LHFPL3: variants seen among roughly 807,000 people sequenced by gnomAD.
LHFPL3 encodes LHFPL tetraspan subfamily member 3 protein.
LHFPL3 carries 5 observed loss-of-function variants against 19.3 expected under a neutral mutation model. The observed-to-expected ratio is 0.26, with a 90% CI of 0.14 to 0.54. LHFPL3 has a LOEUF of 0.54. Among genes scored for constraint, LHFPL3 ranks in the 20% least tolerant of loss-of-function variants. LHFPL3 has a pLI of 0.94. For missense variants in LHFPL3, 249 were observed against 307.4 expected, an observed-to-expected ratio of 0.81 and a Z score of 1.42; for synonymous variants, 133 against 126.2, an observed-to-expected ratio of 1.05 and a Z score of -0.36.
chr7:104,364,122 C>T (rs1468141), intron 1 of LHFPL3, among the ~76,000 whole-genome samples: 107,258 of 152,040 alleles, frequency 0.71, 38,400 homozygotes, highest in East Asian at 0.87. Context: ...GCAAAACTAA[C>T]CTTGAGATTT....
intron 2 of LHFPL3, among the ~76,000 whole-genome samples, chr7:104,772,889 T>G (rs1794577310): frequency 6.6e-6 from 1 of 152,272 alleles, no homozygotes; most frequent in Non-Finnish European, 1.5e-5. Context: ...TTAACTTTAT[T>G]GGGTAATTAC....
intron 1 of LHFPL3, among the ~76,000 whole-genome samples, chr7:104,455,413 A>G (rs1792520341): frequency 6.6e-6 from 1 of 152,176 alleles, no homozygotes; most frequent in Non-Finnish European, 1.5e-5. Flanking sequence ...TAGACTTTCA[A>G]TTCTATATGT....
At chr7:104,433,467 G>A (rs1304303876) in intron 1 of LHFPL3, among the ~76,000 whole-genome samples, 1 of 152,142 alleles carries the variant, frequency 6.6e-6, no homozygotes, top group South Asian at 2.1e-4. Context: ...GTAATGCCTT[G>A]CAGTGGTCTC....
chr7:104,462,411 A>T (rs1038726227), intron 1 of LHFPL3, among the ~76,000 whole-genome samples: 1 of 152,144 alleles, frequency 6.6e-6, no homozygotes, highest in Non-Finnish European at 1.5e-5. Context: ...TTCAATATGT[A>T]GTTTATTAAG....
rs559593039 is a variant in LHFPL3 at position 104,388,345 on chromosome 7, A to G, written c.445+59121A>G. On this transcript the variant is annotated intron_variant, in intron 1 of 2. Transcript: ENST00000424859. ...GTCAAAGGTAATTCTGTTTTAAGAG[A>G]GAATCTTGAAAGTGACAAGAGAGAA... Among the ~76,000 whole-genome samples, 12 of 152,268 alleles carry G rather than the reference A, an allele frequency of 7.9e-5. No homozygotes were observed. In the South Asian group the frequency reaches 2.5e-3, roughly 32 times the overall value.
At chr7:104,526,394 G>C (rs1337623024) in intron 1 of LHFPL3, among the ~76,000 whole-genome samples, 2 of 152,200 alleles carry the variant, frequency 1.3e-5, no homozygotes, top group African/African-American at 2.4e-5. Context: ...GAAAATATAG[G>C]GGCTGGCAGA....
chr7:104,549,934 G>A (rs369296774), intron 1 of LHFPL3, among the ~76,000 whole-genome samples: 8 of 152,106 alleles, frequency 5.3e-5, no homozygotes, highest in African/African-American at 1.9e-4. Context: ...TATTAGTCAG[G>A]GCTCTCTAGA....
At chr7:104,542,235 G>C (rs1794499264) in intron 1 of LHFPL3, among the ~76,000 whole-genome samples, 1 of 151,984 alleles carries the variant, frequency 6.6e-6, no homozygotes, top group Admixed American at 6.6e-5. Context: ...GTGTTTTCTG[G>C]CCCATGAAAA....
At chr7:104,721,900 G>GTAT (rs1235589658) in intron 1 of LHFPL3, among the ~76,000 whole-genome samples, 1 of 152,032 alleles carries the variant, frequency 6.6e-6, no homozygotes, top group South Asian at 2.1e-4. Flanking sequence ...ATTATGATGT[G>GTAT]TATTATTATT....
intron 1 of LHFPL3, among the ~76,000 whole-genome samples, chr7:104,660,258 C>A (rs1294372905): frequency 3.3e-5 from 5 of 152,182 alleles, no homozygotes; most frequent in African/African-American, 1.2e-4. Context: ...GCCTTTGCCT[C>A]CCAAAGTGCT....
Position 104,906,514 on chromosome 7 carries a change from A to G in LHFPL3, c.*299A>G. 2.4e-6 allele frequency: 1 copy of G among 418,774 alleles called. No homozygotes were observed. Among genetic ancestry groups the G allele is most frequent in the Non-Finnish European group, 4.2e-6 (1 of 236,510 alleles). 25.9% of individuals were successfully genotyped at this position (418,774 alleles called of 1,614,324 possible). On this transcript the variant is annotated 3_prime_UTR_variant, in exon 3 of 3. Coordinates refer to ENST00000424859, the MANE Select transcript of LHFPL3 (RefSeq NM_199000.3). ...AAATCATATTCAGGAAATAAGGAAGAGGAATATAAATGCTCTAGAGTTAAC... is the reference window on the plus strand; with the variant it reads ...AAATCATATTCAGGAAATAAGGAAGGGGAATATAAATGCTCTAGAGTTAAC...
chr7:104,499,341 T>C lies in LHFPL3; in HGVS notation c.445+170117T>C, dbSNP rs58986139. The stretch of plus-strand genomic sequence containing the variant: ...CTGTAAACAAAATGATTGATGTCAA[T>C]GTGCTCTGAACATAAAGATTGTTTA... On this transcript the variant is annotated intron_variant, in intron 1 of 2. Transcript: ENST00000424859. Among the ~76,000 whole-genome samples the C allele has an allele frequency of 7.8e-3, 1,183 of 152,358 alleles. 14 individuals carry two copies. The highest frequency in any genetic ancestry group is 0.027 in the African/African-American group (1,139 of 41,590).
intron 2 of LHFPL3, among the ~76,000 whole-genome samples, chr7:104,790,876 G>A (rs1204394210): frequency 6.6e-6 from 1 of 152,124 alleles, no homozygotes; most frequent in Non-Finnish European, 1.5e-5. Context: ...AATAAGACAG[G>A]ACAAGCAAAA....
chr7:104,659,714 G>A (rs4332069), intron 1 of LHFPL3, among the ~76,000 whole-genome samples: 150,038 of 152,264 alleles, frequency 0.99, 73,967 homozygotes, highest in Non-Finnish European at 1. Context: ...TCACATTTGC[G>A]ACTTCTCAAA....
chr7:104,336,379 C>T (rs1562867781), intron 1 of LHFPL3, among the ~76,000 whole-genome samples: 1 of 151,982 alleles, frequency 6.6e-6, no homozygotes, highest in Non-Finnish European at 1.5e-5. Context: ...TAATTAAAGA[C>T]ATAAGCGCTT....
At chr7:104,619,045 C>A (rs569722323) in intron 1 of LHFPL3, among the ~76,000 whole-genome samples, 3 of 152,316 alleles carry the variant, frequency 2.0e-5, no homozygotes, top group African/African-American at 7.2e-5. Flanking sequence ...AGGAGCATTT[C>A]TCTTGGGGTT....
chr7:104,409,304 CTGTGTGTGTGTGTGTGTGTG>C (rs59285167), intron 1 of LHFPL3, among the ~76,000 whole-genome samples: 12 of 148,804 alleles, frequency 8.1e-5, no homozygotes, highest in African/African-American at 3.0e-4. Flanking sequence ...CTTATGTGTG[CTGTGTGTGTGTGTGTGTGTG>C]TGTGTGTGTG....
chr7:104,728,434 A>G (rs1793629603), intron 1 of LHFPL3, among the ~76,000 whole-genome samples: 1 of 152,136 alleles, frequency 6.6e-6, no homozygotes, highest in Non-Finnish European at 1.5e-5. Context: ...TTGCACCCTC[A>G]GTGTGATCAC....
At chr7:104,734,824 C>T (rs1481263324) in intron 1 of LHFPL3, among the ~76,000 whole-genome samples, 1 of 152,144 alleles carries the variant, frequency 6.6e-6, no homozygotes, top group African/African-American at 2.4e-5. Flanking sequence ...TTTTTCTGTT[C>T]TGTTTTTTCC....
Sources: gnomAD v4.1 joint callset for allele counts (sites outside exome capture counted in the v4.1 genomes callset) on GRCh38, gnomAD v4.1.1 for gene constraint, MANE v1.5 for transcripts, NCBI Gene and HGNC (gene_info 2026-07-23, HGNC 2026-07-21) for gene names.